Variants in KCTD20 observed in about 807,000 individuals in gnomAD.
KCTD20 encodes the protein BTB/POZ domain-containing protein KCTD20.
In KCTD20, 30 loss-of-function variants were observed where a neutral mutation model predicts 39.6. The observed-to-expected ratio is 0.76, with a 90% CI of 0.57 to 1.03. The LOEUF is 1.03. Ranked by LOEUF, KCTD20 falls within the 50% of genes least tolerant of loss-of-function variation. The probability of loss-of-function intolerance (pLI) is 0.00; values close to 1 mark genes in which losing one functional copy is unlikely to be tolerated. For synonymous variants in KCTD20, 162 were observed against 180.6 expected, an observed-to-expected ratio of 0.90 and a Z score of 0.83; for missense variants, 422 against 522.0, an observed-to-expected ratio of 0.81 and a Z score of 1.87.
At chr6:36,478,101 A>AAAAAAGAAAAG (rs112536319) in intron 3 of KCTD20, among the ~76,000 whole-genome samples, 1 of 145,702 alleles carries the variant, frequency 6.9e-6, no homozygotes, top group Admixed American at 7.0e-5. Context: ...TCTCAAAAAA[A>AAAAAAGAAAAG]AAAAGAAAAG....
intron 1 of KCTD20, among the ~76,000 whole-genome samples, chr6:36,458,972 A>G (rs1775521851): frequency 6.6e-6 from 1 of 151,684 alleles, no homozygotes. Flanking sequence ...ACTGACCACT[A>G]TACTAATGAG....
chr6:36,479,511 A>C, intron 4 of KCTD20, 80 bp from the exon 5 acceptor site: 1 of 1,320,394 alleles, frequency 7.6e-7, no homozygotes, highest in Non-Finnish European at 1.0e-6. Context: ...GCTTTAACAA[A>C]ACCAGGAATG....
chr6:36,445,632 T>C (rs1442594238), intron 1 of KCTD20, among the ~76,000 whole-genome samples: 2 of 152,194 alleles, frequency 1.3e-5, no homozygotes, highest in Admixed American at 6.5e-5. Flanking sequence ...GTCTTAGATA[T>C]ATGAGGCTTA....
In KCTD20 at chr6:36,490,178, A is replaced by C. The variant is rs1776542479; in HGVS notation, c.*3003A>C. 6.6e-6 allele frequency: 1 copy of C among 152,126 alleles called. No homozygotes were observed. Among genetic ancestry groups the C allele is most frequent in the Non-Finnish European group, 1.5e-5 (1 of 68,028 alleles). 9.4% of individuals were successfully genotyped at this position (152,126 alleles called of 1,614,324 possible). ...AACAAATATTCAGACCACAGGCTTT[A>C]ATGTAAACTGTCAAAAAGTGGGATG... is the stretch of plus-strand genomic sequence containing the variant. On this transcript the variant is annotated 3_prime_UTR_variant, in exon 8 of 8. Transcript: ENST00000373731.
At chr6:36,483,930 T>C (rs1337248273) in intron 6 of KCTD20, among the ~76,000 whole-genome samples, 1 of 149,380 alleles carries the variant, frequency 6.7e-6, no homozygotes. Flanking sequence ...ATTTCATGAG[T>C]GAGGCTGAAT....
At chr6:36,462,192 A>G (rs1411018839) in intron 1 of KCTD20, among the ~76,000 whole-genome samples, 1 of 152,300 alleles carries the variant, frequency 6.6e-6, no homozygotes, top group African/African-American at 2.4e-5. Flanking sequence ...GTATGATGAT[A>G]ACAACCCTTC....
rs1331934426 is a variant in KCTD20, at chr6:36,490,966, G to A, written c.*3791G>A. The A allele has an allele frequency of 6.6e-6, 1 of 152,244 alleles. No individual in the cohort carries two copies. The highest frequency in any genetic ancestry group is 1.5e-5 in the Non-Finnish European group (1 of 68,044). 9.4% of individuals were successfully genotyped at this position (152,244 alleles called of 1,614,324 possible). A position where few individuals can be genotyped will look rare whatever the true frequency, so the allele number is the denominator to read the frequency against. On this transcript the variant is annotated 3_prime_UTR_variant, in exon 8 of 8. Transcript: ENST00000373731. ...TTTCATGGGAGATGGAGCCACATTT[G>A]TGTTCTGGGTGGGATCACTAGTGCA... is the stretch of plus-strand genomic sequence containing the variant.
Position 36,446,024 on chromosome 6 carries a change from G to GTTTTTTTTTTT in KCTD20, c.-47+2917_-47+2927dup, listed in dbSNP as rs553882182. Reference sequence around the variant, plus strand: ...AAGCCCCAGAAATGTTATGAACTCAGTTTTTTTTTTTTTTCTTTTGAGACA... The same window carrying GTTTTTTTTTTT: ...AAGCCCCAGAAATGTTATGAACTCAGTTTTTTTTTTTTTTTTTTTTTTTTTCTTTTGAGACA... On this transcript the variant is annotated intron_variant, in intron 1 of 7. Transcript: ENST00000373731. 7.1e-5 allele frequency among the ~76,000 whole-genome samples: 9 copies of GTTTTTTTTTTT among 126,530 alleles called. 1 individual carries two copies. The highest frequency in any genetic ancestry group is 1.1e-4 in the Non-Finnish European group (7 of 62,800). 83.0% of individuals were successfully genotyped at this position (126,530 alleles called of 152,430 possible).
chr6:36,457,151 C>T (rs1041125515), intron 1 of KCTD20, among the ~76,000 whole-genome samples: 4 of 152,066 alleles, frequency 2.6e-5, no homozygotes, highest in African/African-American at 7.2e-5. Context: ...CAAGGCTGGT[C>T]TCAAATTCCT....
intron 1 of KCTD20, 24 bp from the exon 2 acceptor site, chr6:36,470,028 A>G: frequency 7.3e-7 from 1 of 1,371,894 alleles, no homozygotes; most frequent in African/African-American, 1.5e-5. Context: ...TGAGTTCTAA[A>G]TCATGCATAT....
rs1472641888 is a variant in KCTD20 at position 36,469,664 on chromosome 6, A to C, written c.-46-388A>C. Among the ~76,000 whole-genome samples the C allele has an allele frequency of 3.9e-5, 6 of 152,150 alleles. No homozygotes were observed. The highest frequency in any genetic ancestry group is 7.4e-5 in the Non-Finnish European group (5 of 68,020). On this transcript the variant is annotated intron_variant, in intron 1 of 7. Transcript: ENST00000373731. This position sits in a 1 kb window ranked among gnomAD's most constrained non-coding sequence, Gnocchi z 4.6. ...TAATTGTTGCAACAGTGTATGTGTCAATTTTAAAAAAACATAGGTTTTCTT... is the reference window on the plus strand; with the variant it reads ...TAATTGTTGCAACAGTGTATGTGTCCATTTTAAAAAAACATAGGTTTTCTT...
chr6:36,459,394 C>A (rs1449720091), intron 1 of KCTD20, among the ~76,000 whole-genome samples: 1 of 152,230 alleles, frequency 6.6e-6, no homozygotes, highest in African/African-American at 2.4e-5. Context: ...CATAATTTTT[C>A]ACTTCATATT....
rs576681021 is a variant in KCTD20, at chr6:36,450,163, TAAAA to T, written c.-47+7076_-47+7079del. 3.3e-3 allele frequency among the ~76,000 whole-genome samples: 348 copies of T among 105,832 alleles called. 4 individuals are homozygous for T. The highest frequency in any genetic ancestry group is 0.014 in the African/African-American group (305 of 21,948). 69.4% of individuals were successfully genotyped at this position (105,832 alleles called of 152,430 possible). A position where few individuals can be genotyped will look rare whatever the true frequency, so the allele number is the denominator to read the frequency against. On this transcript the variant is annotated intron_variant, in intron 1 of 7. Transcript: ENST00000373731. ...TGGGCAACAGAGTGAGACTCCGTCC[TAAAA>T]AAAAAAAAAAAAAAAAAAAAAAAGA...
intron 5 of KCTD20, among the ~76,000 whole-genome samples, chr6:36,480,227 G>A (rs1776202275): frequency 6.6e-6 from 1 of 152,052 alleles, no homozygotes; most frequent in Non-Finnish European, 1.5e-5. Flanking sequence ...GTAGACAAAG[G>A]AAAACAGATA....
At chr6:36,470,499 G>A (rs192648507) in intron 2 of KCTD20, among the ~76,000 whole-genome samples, 53 of 152,348 alleles carry the variant, frequency 3.5e-4, no homozygotes, top group African/African-American at 1.2e-3. Flanking sequence ...CAGGTTTGGA[G>A]TCAGAAGACA....
At chr6:36,476,708 A>G (rs774828177) in intron 3 of KCTD20, among the ~76,000 whole-genome samples, 91 of 152,272 alleles carry the variant, frequency 6.0e-4, no homozygotes, top group Non-Finnish European at 7.9e-4. Context: ...GATTACAGGC[A>G]TGAGCCACTG....
chr6:36,477,757 T>G (rs1281844239), intron 3 of KCTD20, among the ~76,000 whole-genome samples: 2 of 149,004 alleles, frequency 1.3e-5, no homozygotes, highest in Non-Finnish European at 3.0e-5. Context: ...GTGCTGGGAT[T>G]ACAGGCGTGA....
intron 1 of KCTD20, among the ~76,000 whole-genome samples, chr6:36,457,443 C>CA (rs1201714532): frequency 1.3e-5 from 2 of 152,278 alleles, no homozygotes; most frequent in African/African-American, 4.8e-5. Context: ...TACGGGGACT[C>CA]ACGCCTATAA....
Position 36,479,727 on chromosome 6 carries a change from G to T in KCTD20, c.658+16G>T. The stretch of plus-strand genomic sequence containing the variant: ...CAAGATCTGAGTAAGTACAGGAGCA[G>T]GTGCCAGCTGCACTTAAGCAGCTGA... On this transcript the variant is annotated intron_variant, in intron 5 of 7. Coordinates refer to ENST00000373731, the MANE Select transcript of KCTD20 (RefSeq NM_173562.5). 6.3e-7 allele frequency: 1 copy of T among 1,590,228 alleles called. No individual in the cohort carries two copies. The highest frequency in any genetic ancestry group is 1.7e-5 in the Admixed American group (1 of 57,766).
Sources: gnomAD v4.1 joint callset for allele counts (sites outside exome capture counted in the v4.1 genomes callset) on GRCh38, gnomAD v4.1.1 for gene constraint, Gnocchi (gnomAD v3.1) non-coding constraint, MANE v1.5 for transcripts, NCBI Gene and HGNC (gene_info 2026-07-23, HGNC 2026-07-21) for gene names.